The following COMMD7 variants were observed in gnomAD, a reference collection of about 807,000 sequenced individuals.
The protein encoded by COMMD7 is COMM domain-containing protein 7.
In COMMD7, 28 loss-of-function variants were observed where a neutral mutation model predicts 34.8. That is an observed-to-expected ratio of 0.80 (90% CI 0.60 to 1.10). The LOEUF (loss-of-function observed/expected upper bound fraction) is 1.10, where lower values mean the gene tolerates loss of function less well. Ranked by LOEUF, COMMD7 falls within the 50% of genes least tolerant of loss-of-function variation. COMMD7 has a pLI of 0.00. For missense variants in COMMD7, 211 were observed against 241.6 expected, an observed-to-expected ratio of 0.87 and a Z score of 0.84; for synonymous variants, 80 against 86.4, an observed-to-expected ratio of 0.93 and a Z score of 0.41.
At chr20:32,721,798 A>C (rs1436234298) in intron 3 of COMMD7, among the ~76,000 whole-genome samples, 1 of 152,116 alleles carries the variant, frequency 6.6e-6, no homozygotes, top group African/African-American at 2.4e-5. Flanking sequence ...CGGGAGGCTA[A>C]GGCAGGAGAA....
At chr20:32,734,119 T>C (rs1177851998) in intron 1 of COMMD7, among the ~76,000 whole-genome samples, 1 of 147,722 alleles carries the variant, frequency 6.8e-6, no homozygotes, top group African/African-American at 2.5e-5. Flanking sequence ...AGGCAGAGCT[T>C]GTGGTGAGCC....
chr20:32,738,159 T>C (rs1986248249), intron 1 of COMMD7, among the ~76,000 whole-genome samples: 1 of 152,086 alleles, frequency 6.6e-6, no homozygotes, highest in South Asian at 2.1e-4. Context: ...AGGGTCGCAT[T>C]TTCTGACCCA....
At chr20:32,736,494 C>A (rs1187731641) in intron 1 of COMMD7, among the ~76,000 whole-genome samples, 1 of 151,372 alleles carries the variant, frequency 6.6e-6, no homozygotes, top group Non-Finnish European at 1.5e-5. Flanking sequence ...CACGGTGAAA[C>A]CCCGTCTCTA....
At chr20:32,736,240 C>T (rs1568795796) in intron 1 of COMMD7, among the ~76,000 whole-genome samples, 2 of 152,330 alleles carry the variant, frequency 1.3e-5, no homozygotes, top group South Asian at 2.1e-4. Context: ...TTGAGGCCTA[C>T]ACCTTAGAAT....
chr20:32,714,854 C>CAACAAA (rs1474373772), intron 3 of COMMD7, among the ~76,000 whole-genome samples: 1 of 141,546 alleles, frequency 7.1e-6, no homozygotes, highest in Non-Finnish European at 1.6e-5. Context: ...ACAACAACAA[C>CAACAAA]AAAAATTAGC....
intron 3 of COMMD7, among the ~76,000 whole-genome samples, chr20:32,718,590 T>C (rs1984956048): frequency 6.6e-6 from 1 of 152,022 alleles, no homozygotes; most frequent in African/African-American, 2.4e-5. Flanking sequence ...TCCCAGCTAC[T>C]TGGGAGGCTG....
Position 32,704,865 on chromosome 20 carries a change from C to A in COMMD7, c.376G>T (p.Gly126Cys), listed in dbSNP as rs1202212099. Residue 126 changes from glycine to cysteine, a missense_variant, in exon 6 of 9, where the codon GGT becomes TGT. Transcript: ENST00000278980. ...NAPTLARWAI[G>C]QTLMINQLID... is the part of the protein sequence containing the mutation. ...AGCTGGTTAATCATCAGAGTCTGAC[C>A]TATGGCCCATCGAGCAAGGGTGGGA... 3 of 1,614,056 alleles carry A rather than the reference C, an allele frequency of 1.9e-6. No individual in the cohort carries two copies. The Admixed American group carries it at 5.0e-5, about 27-fold the overall frequency.
chr20:32,733,963 G>A (rs1455924289), intron 1 of COMMD7, among the ~76,000 whole-genome samples: 1 of 151,050 alleles, frequency 6.6e-6, no homozygotes, highest in African/African-American at 2.4e-5. Flanking sequence ...CAGATCATGA[G>A]GTCAGGAGAC....
intron 5 of COMMD7, 74 bp from the exon 6 acceptor site, chr20:32,704,978 C>T: frequency 9.4e-7 from 1 of 1,063,134 alleles, no homozygotes; most frequent in Non-Finnish European, 1.4e-6. Flanking sequence ...CTAAACATTG[C>T]AATATTTAGC....
In COMMD7 at chr20:32,703,729, G is replaced by A. The variant is rs991485957; in HGVS notation, c.527-271C>T. On this transcript the variant is annotated intron_variant, in intron 8 of 8. Coordinates refer to ENST00000278980, the MANE Select transcript of COMMD7 (RefSeq NM_053041.3). ...GGGTATCATTCGGGATGTTCAATGT[G>A]ACTTCTATGGCAAGAGCTTCTTGCT... 7 of 1,453,194 alleles carry A rather than the reference G, an allele frequency of 4.8e-6. No homozygotes were observed. In the African/African-American group the frequency reaches 5.7e-5, roughly 12 times the overall value. 90.0% of individuals were successfully genotyped at this position (1,453,194 alleles called of 1,614,324 possible). A position where few individuals can be genotyped will look rare whatever the true frequency, so the allele number is the denominator to read the frequency against.
intron 6 of COMMD7, 49 bp downstream of exon 6, chr20:32,704,765 C>T (rs766094372): frequency 7.0e-7 from 1 of 1,419,688 alleles, no homozygotes; most frequent in East Asian, 2.3e-5. Flanking sequence ...GCCTCTGCAC[C>T]CCAACCCTGT....
In COMMD7 at chr20:32,743,344, G is replaced by A. The variant is rs1398158105; in HGVS notation, c.48C>T (p.Gly16=). 4 of 1,503,060 alleles carry A rather than the reference G, an allele frequency of 2.7e-6. No homozygotes were observed. Among genetic ancestry groups the A allele is most frequent in the Middle Eastern group, 2.4e-4 (1 of 4,230 alleles). 93.1% of individuals were successfully genotyped at this position (1,503,060 alleles called of 1,614,324 possible). The part of the protein sequence containing the change: ...CTEDPVPEAV[G]GDMQQLNQLG... Reference sequence around the variant, plus strand: ...GCTGGTTCAGCTGCTGCATGTCGCCGCCCACGGCCTCCGGCACCGGGTCCT... The same window carrying A: ...GCTGGTTCAGCTGCTGCATGTCGCCACCCACGGCCTCCGGCACCGGGTCCT... Residue 16 remains glycine, a synonymous_variant, in exon 1 of 9, where the codon GGC becomes GGT. Transcript: ENST00000278980.
At chr20:32,705,924 G>A (rs898445211) in intron 5 of COMMD7, among the ~76,000 whole-genome samples, 3 of 152,050 alleles carry the variant, frequency 2.0e-5, no homozygotes, top group Non-Finnish European at 4.4e-5. Flanking sequence ...AGGGGCTGGC[G>A]GTGGTGGTTC....
Position 32,728,161 on chromosome 20 carries a change from A to C in COMMD7, c.85-19T>G. The C allele has an allele frequency of 6.2e-7, 1 of 1,613,592 alleles. No individual in the cohort carries two copies. Among genetic ancestry groups the C allele is most frequent in the Non-Finnish European group, 8.5e-7 (1 of 1,179,590 alleles). On this transcript the variant is annotated intron_variant, in intron 1 of 8. Coordinates refer to ENST00000278980, the MANE Select transcript of COMMD7 (RefSeq NM_053041.3). The stretch of plus-strand genomic sequence containing the variant: ...AGAACTGCTGTGAAGAAAACAACAC[A>C]GAACATCAGTACAATTTCTACTACT...
At chr20:32,705,314 GTATATATATACATACATATATATGTA>G (rs1221326614) in intron 5 of COMMD7, among the ~76,000 whole-genome samples, 11 of 144,316 alleles carry the variant, frequency 7.6e-5, no homozygotes, top group Non-Finnish European at 1.3e-4. Flanking sequence ...ATATATATGT[GTATATATATACATACATATATATGTA>G]TATATATATG....
intron 8 of COMMD7, 60 bp downstream of exon 8, chr20:32,703,963 G>A (rs181114624): frequency 6.6e-5 from 107 of 1,612,498 alleles, no homozygotes; most frequent in Non-Finnish European, 8.1e-5. Flanking sequence ...AGCGTCACCA[G>A]CCCCTGATTG....
intron 3 of COMMD7, among the ~76,000 whole-genome samples, chr20:32,709,801 T>C (rs1011211979): frequency 1.3e-5 from 2 of 152,106 alleles, no homozygotes; most frequent in Non-Finnish European, 2.9e-5. Flanking sequence ...ACATAGCTCA[T>C]CCCTTCGCTT....
At chr20:32,706,839 A>C in intron 3 of COMMD7, 79 bp from the exon 4 acceptor site, 2 of 1,186,200 alleles carry the variant, frequency 1.7e-6, no homozygotes, top group South Asian at 2.5e-5. Flanking sequence ...GGCACAACCT[A>C]TGTGACCTAA....
chr20:32,721,678 G>A (rs1008414439), intron 3 of COMMD7, among the ~76,000 whole-genome samples: 2 of 152,034 alleles, frequency 1.3e-5, no homozygotes, highest in Non-Finnish European at 2.9e-5. Flanking sequence ...TCAGGAGTTC[G>A]AGACCAGCCT....
Sources: allele counts gnomAD v4.1 joint callset (sites outside exome capture counted in the v4.1 genomes callset), GRCh38; gene constraint gnomAD v4.1.1; transcripts MANE v1.5; gene names NCBI Gene and HGNC (gene_info 2026-07-23, HGNC 2026-07-21).